Variants in CCDC178 observed in about 807,000 individuals in gnomAD.
The protein encoded by CCDC178 is coiled-coil domain containing 178.
In CCDC178, 126 loss-of-function variants were observed where a neutral mutation model predicts 117.4. The observed-to-expected ratio is 1.07, with a 90% confidence interval of 0.93 to 1.24. The LOEUF is 1.24. Among genes scored for constraint, CCDC178 ranks in the 50% most tolerant of loss-of-function variants. CCDC178 has a pLI of 0.00. For synonymous variants in CCDC178, 283 were observed against 313.4 expected (o/e 0.90, Z 1.02); for missense variants, 1,030 against 986.9 (o/e 1.04, Z -0.59).
chr18:32,951,583 C>T (rs12958378), intron 22 of CCDC178, among the ~76,000 whole-genome samples: 144,641 of 152,300 alleles, frequency 0.95, 68,905 homozygotes, highest in Non-Finnish European at 0.99. Flanking sequence ...CACATGAAGA[C>T]TATAGGACTA....
chr18:33,416,166 G>A (rs574129055), intron 2 of CCDC178, among the ~76,000 whole-genome samples: 29 of 152,174 alleles, frequency 1.9e-4, no homozygotes, highest in African/African-American at 6.0e-4. Context: ...GATGGCTCAC[G>A]CCTGTAATCC....
At chr18:33,033,968 T>A (rs764609763) in intron 21 of CCDC178, among the ~76,000 whole-genome samples, 4 of 151,970 alleles carry the variant, frequency 2.6e-5, no homozygotes, top group Non-Finnish European at 5.9e-5. Flanking sequence ...TAAACATGTA[T>A]ACAAAGACTA....
chr18:33,063,740 G>T (rs931454346), intron 21 of CCDC178, among the ~76,000 whole-genome samples: 1 of 152,112 alleles, frequency 6.6e-6, no homozygotes, highest in African/African-American at 2.4e-5. Context: ...GAATCCCCAG[G>T]CCTGCCACCA....
chr18:33,431,210 T>G (rs994069876), intron 2 of CCDC178, among the ~76,000 whole-genome samples: 34 of 149,228 alleles, frequency 2.3e-4, no homozygotes, highest in Admixed American at 6.6e-5. Flanking sequence ...TTTTTTTTTT[T>G]TTTACTTTTA....
At chr18:32,993,972 G>C (rs1028628687) in intron 21 of CCDC178, among the ~76,000 whole-genome samples, 2 of 151,986 alleles carry the variant, frequency 1.3e-5, no homozygotes, top group African/African-American at 4.8e-5. Flanking sequence ...ACACAGTCCT[G>C]TGTTGCAACA....
At chr18:33,082,774 A>C (rs2057317889) in intron 21 of CCDC178, among the ~76,000 whole-genome samples, 2 of 151,714 alleles carry the variant, frequency 1.3e-5, no homozygotes, top group African/African-American at 4.8e-5. Flanking sequence ...AAATAAAATA[A>C]AATAATCACA....
chr18:33,194,470 C>T (rs1467141036), intron 20 of CCDC178, among the ~76,000 whole-genome samples: 1 of 152,080 alleles, frequency 6.6e-6, no homozygotes, highest in Admixed American at 6.6e-5. Context: ...AATGCTTACC[C>T]TTAACTTCAA....
At chr18:33,264,678 C>T (rs1599073420) in intron 14 of CCDC178, among the ~76,000 whole-genome samples, 2 of 152,024 alleles carry the variant, frequency 1.3e-5, no homozygotes, top group South Asian at 4.1e-4. Context: ...TAATTCACTA[C>T]GTCTATTCTT....
At chr18:32,980,595 C>A (rs1263999290) in intron 21 of CCDC178, among the ~76,000 whole-genome samples, 3 of 140,260 alleles carry the variant, frequency 2.1e-5, no homozygotes, top group Non-Finnish European at 1.5e-5. Context: ...AAAAAAAAAG[C>A]CCCTATAAGT....
intron 22 of CCDC178, among the ~76,000 whole-genome samples, chr18:32,947,427 T>C (rs547643604): frequency 6.6e-6 from 1 of 152,322 alleles, no homozygotes; most frequent in African/African-American, 2.4e-5. Context: ...CTCATTGTGG[T>C]TTTAATTTGC....
chr18:33,255,904 C>T (rs973545147), intron 14 of CCDC178, among the ~76,000 whole-genome samples: 23 of 151,062 alleles, frequency 1.5e-4, no homozygotes, highest in African/African-American at 5.3e-4. Flanking sequence ...GAATGGCATC[C>T]TGAATCTCAA....
chr18:33,220,618 C>T (rs2059220816), intron 18 of CCDC178, among the ~76,000 whole-genome samples: 2 of 152,156 alleles, frequency 1.3e-5, no homozygotes, highest in African/African-American at 4.8e-5. Flanking sequence ...AAATGCAATA[C>T]TAAGTACTTC....
At chr18:33,282,233 G>T (rs539807213) in intron 12 of CCDC178, among the ~76,000 whole-genome samples, 1 of 152,314 alleles carries the variant, frequency 6.6e-6, no homozygotes, top group Non-Finnish European at 1.5e-5. Context: ...GACCACCATG[G>T]ACACTTGAGG....
intron 5 of CCDC178, among the ~76,000 whole-genome samples, chr18:33,384,624 G>A (rs1158516857): frequency 1.3e-5 from 2 of 152,262 alleles, no homozygotes; most frequent in Middle Eastern, 3.4e-3. Context: ...AGCTTCATAA[G>A]TGAAGGAGAA....
intron 8 of CCDC178, 59 bp from the exon 9 acceptor site, chr18:33,346,470 G>A: frequency 9.8e-7 from 1 of 1,018,690 alleles, no homozygotes; most frequent in South Asian, 1.5e-5. Context: ...CTGGATGATG[G>A]GAACATGGGC....
chr18:33,162,287 C>T (rs1027486628), intron 20 of CCDC178, among the ~76,000 whole-genome samples: 1 of 152,128 alleles, frequency 6.6e-6, no homozygotes, highest in African/African-American at 2.4e-5. Flanking sequence ...ACATATGTAA[C>T]TAACCTGCAC....
intron 11 of CCDC178, among the ~76,000 whole-genome samples, chr18:33,310,782 CATTTTT>C (rs2062330689): frequency 6.6e-6 from 1 of 152,130 alleles, no homozygotes; most frequent in Admixed American, 6.5e-5. Flanking sequence ...AATTACAAGA[CATTTTT>C]ATTTTTAACT....
chr18:33,396,685 T>C (rs1939298690), intron 4 of CCDC178, among the ~76,000 whole-genome samples: 1 of 152,116 alleles, frequency 6.6e-6, no homozygotes, highest in Admixed American at 6.6e-5. Context: ...TTAAATTACA[T>C]CTTTAGGGAT....
intron 20 of CCDC178, among the ~76,000 whole-genome samples, chr18:33,161,807 C>G (rs2058467967): frequency 2.0e-5 from 3 of 152,096 alleles, no homozygotes; most frequent in South Asian, 4.1e-4. Flanking sequence ...TTTTCTTAAT[C>G]TAGTCTATCA....
Sources: allele counts gnomAD v4.1 joint callset (sites outside exome capture counted in the v4.1 genomes callset), GRCh38; gene constraint gnomAD v4.1.1; transcripts MANE v1.5; gene names NCBI Gene and HGNC (gene_info 2026-07-23, HGNC 2026-07-21).